Variants in OGDH observed in about 807,000 individuals in gnomAD.
The protein encoded by OGDH is 2-oxoglutarate dehydrogenase complex component E1.
Under a neutral mutation model 116.6 loss-of-function variants are expected in OGDH, and 38 were observed. The ratio of observed to expected loss-of-function variants is 0.33; its 90% CI spans 0.25 to 0.43. The LOEUF (loss-of-function observed/expected upper bound fraction) is 0.43, where lower values mean the gene tolerates loss of function less well. Ranked by LOEUF, OGDH falls within the 20% of genes least tolerant of loss-of-function variation. OGDH has a pLI of 1.00. For synonymous variants in OGDH, 488 were observed against 533.3 expected (o/e 0.92, Z 1.17); for missense variants, 825 against 1,357.2 (o/e 0.61, Z 6.16).
intron 2 of OGDH, among the ~76,000 whole-genome samples, chr7:44,637,673 C>T (rs570802442): frequency 2.6e-5 from 4 of 152,120 alleles, no homozygotes; most frequent in African/African-American, 7.2e-5. Context: ...TAACCAGACA[C>T]GATGGCGGTG....
chr7:44,649,242 G>GTT (rs1271100290), intron 4 of OGDH, among the ~76,000 whole-genome samples: 10 of 125,274 alleles, frequency 8.0e-5, no homozygotes, highest in South Asian at 2.6e-4. Flanking sequence ...CTCATTTTCT[G>GTT]TTGTTTTTTT....
intron 1 of OGDH, among the ~76,000 whole-genome samples, chr7:44,607,119 T>A (rs1332803840): frequency 1.3e-5 from 2 of 152,220 alleles, no homozygotes; most frequent in Non-Finnish European, 2.9e-5. Flanking sequence ...CGCGTCGCTT[T>A]GTCCGAAAGA....
Position 44,697,037 on chromosome 7 carries a change from G to A in OGDH, c.2024G>A (p.Gly675Asp). The A allele has an allele frequency of 3.1e-6, 5 of 1,614,176 alleles. No individual in the cohort carries two copies. Among genetic ancestry groups the A allele is most frequent in the Non-Finnish European group, 4.2e-6 (5 of 1,179,990 alleles). ...GAGGGCATCCACATTCGGCTGAGCGGCCAGGACGTGGAGCGGGGCACATTC... is the reference window on the plus strand; with the variant it reads ...GAGGGCATCCACATTCGGCTGAGCGACCAGGACGTGGAGCGGGGCACATTC... ...LKEGIHIRLS[G>D]QDVERGTFSH... is the part of the protein sequence containing the mutation. Residue 675 changes from glycine (G) to aspartate (D), a missense_variant, in exon 15 of 23, where the codon GGC (glycine) becomes GAC (aspartate). Coordinates refer to ENST00000222673, the MANE Select transcript of OGDH (RefSeq NM_002541.4). The surrounding 1 kb of genome is among the most constrained non-coding windows in gnomAD (Gnocchi z 6.0).
chr7:44,687,112 T>TG (rs1788164981), intron 10 of OGDH, among the ~76,000 whole-genome samples: 1 of 148,036 alleles, frequency 6.8e-6, no homozygotes, highest in East Asian at 2.0e-4. Context: ...TTTTTTTTTT[T>TG]TCTGAGATGG....
intron 4 of OGDH, among the ~76,000 whole-genome samples, chr7:44,663,428 T>C (rs774780853): frequency 1.3e-5 from 2 of 152,162 alleles, no homozygotes; most frequent in Admixed American, 1.3e-4. Context: ...AGCTCAGGAG[T>C]TCGAGACCAG....
chr7:44,624,291 GTTTTTTTTTT>G lies in OGDH; in HGVS notation c.-27-16_-27-7del. On this transcript the variant is annotated splice_polypyrimidine_tract_variant and intron_variant, in intron 1 of 22. Transcript: ENST00000222673. ...CTCATTTTTAAAACCTTTCTTTCTT[GTTTTTTTTTT>G]TTTTTTTTTGTACAGGCAGTTGTGA... 1 of 757,960 alleles carries G rather than the reference GTTTTTTTTTT, an allele frequency of 1.3e-6. No individual in the cohort carries two copies. Among genetic ancestry groups the G allele is most frequent in the Admixed American group, 2.8e-5 (1 of 35,136 alleles). The allele number at this position is 757,960 out of a possible 1,614,324, so 47.0% of individuals were successfully genotyped here.
chr7:44,702,175 C>T (rs1201103439), intron 20 of OGDH, among the ~76,000 whole-genome samples: 1 of 152,192 alleles, frequency 6.6e-6, no homozygotes, highest in Non-Finnish European at 1.5e-5. Context: ...GAGCTGTTGC[C>T]TCTCACCTGC....
chr7:44,675,829 A>G (rs1787666828), intron 8 of OGDH, 141 bp from the exon 9 acceptor site: 2 of 771,032 alleles, frequency 2.6e-6, no homozygotes, highest in Admixed American at 5.5e-5. Flanking sequence ...GTGAGCCGAG[A>G]TCGCGCCATT....
intron 1 of OGDH, 76 bp from the exon 2 acceptor site, chr7:44,624,241 A>T: frequency 3.1e-6 from 3 of 971,258 alleles, no homozygotes; most frequent in Admixed American, 2.3e-5. Flanking sequence ...GAGCATCAGG[A>T]TCTAGTAGCC....
intron 4 of OGDH, 129 bp from the exon 5 acceptor site, chr7:44,666,607 T>G: frequency 2.3e-6 from 1 of 426,538 alleles, no homozygotes; most frequent in African/African-American, 2.0e-5. Context: ...TCAGGGGCTT[T>G]TTATATGATT....
chr7:44,655,589 C>G (rs188535101), intron 4 of OGDH, among the ~76,000 whole-genome samples: 1 of 152,208 alleles, frequency 6.6e-6, no homozygotes, highest in Admixed American at 6.5e-5. Flanking sequence ...CCTTCCTGAC[C>G]CCATCCCCCA....
rs137904536 is a variant in OGDH, at chr7:44,659,009, C to G, written c.518-7727C>G. On this transcript the variant is annotated intron_variant, in intron 4 of 22. Coordinates refer to ENST00000222673, the MANE Select transcript of OGDH (RefSeq NM_002541.4). ...GCACCACCACGCCCAGCTAATTTTT[C>G]TACTTTTAGTAGAGGTGGGGGTTTC... Among the ~76,000 whole-genome samples the G allele has an allele frequency of 5.8e-3, 877 of 152,008 alleles. 10 individuals are homozygous for G. Among genetic ancestry groups the G allele is most frequent in the African/African-American group, 0.019 (800 of 41,490 alleles).
chr7:44,655,872 G>A (rs1304744662), intron 4 of OGDH, among the ~76,000 whole-genome samples: 67 of 152,186 alleles, frequency 4.4e-4, no homozygotes. Context: ...ACGGTTTAGA[G>A]TAGTCTGCCA....
At chr7:44,636,687 C>T (rs2268308) in intron 2 of OGDH, among the ~76,000 whole-genome samples, 13,672 of 152,238 alleles carry the variant, frequency 0.09, 1,225 homozygotes, top group East Asian at 0.44. Flanking sequence ...GAGGAAAGTG[C>T]ATTATGGTTG....
At chr7:44,687,702 G>C (rs1402008340) in intron 10 of OGDH, among the ~76,000 whole-genome samples, 2 of 152,148 alleles carry the variant, frequency 1.3e-5, no homozygotes, top group East Asian at 3.9e-4. Flanking sequence ...GGGATTACAG[G>C]CGTGAGTCAC....
chr7:44,614,834 C>CT (rs201747358), intron 1 of OGDH, among the ~76,000 whole-genome samples: 8,943 of 111,134 alleles, frequency 0.08, 502 homozygotes, highest in East Asian at 0.13. Context: ...TCTTTTGGTT[C>CT]TTTTTTTTTT....
chr7:44,699,454 A>G (rs1788734733), intron 18 of OGDH, among the ~76,000 whole-genome samples: 1 of 151,724 alleles, frequency 6.6e-6, no homozygotes, highest in Admixed American at 6.6e-5. Context: ...AAAAAACTCA[A>G]AGAAAATGAT....
At chr7:44,610,614 T>C (rs1784525816) in intron 1 of OGDH, among the ~76,000 whole-genome samples, 1 of 146,296 alleles carries the variant, frequency 6.8e-6, no homozygotes, top group Admixed American at 6.8e-5. Flanking sequence ...TTTCATCTTT[T>C]TGTTTGTTTG....
chr7:44,697,574 A>G lies in OGDH; in HGVS notation c.2180-30A>G, dbSNP rs373671863. On this transcript the variant is annotated intron_variant, in intron 16 of 22. Coordinates refer to ENST00000222673, the MANE Select transcript of OGDH (RefSeq NM_002541.4). This position sits in a 1 kb window ranked among gnomAD's most constrained non-coding sequence, Gnocchi z 6.0. ...GGGCCTACTGGCTGGTGTCCTGGAC[A>G]TGGTTTTCTCCTTCCTTTGTCCCTT... is the stretch of plus-strand genomic sequence containing the variant. 3 of 1,613,998 alleles carry G rather than the reference A, an allele frequency of 1.9e-6. No individual in the cohort carries two copies. The highest frequency in any genetic ancestry group is 1.3e-5 in the African/African-American group (1 of 75,046).
Sources: gnomAD v4.1 joint callset for allele counts (sites outside exome capture counted in the v4.1 genomes callset) on GRCh38, gnomAD v4.1.1 for gene constraint, Gnocchi (gnomAD v3.1) non-coding constraint, MANE v1.5 for transcripts, NCBI Gene and HGNC (gene_info 2026-07-23, HGNC 2026-07-21) for gene names.